Variants in STEEP1 observed in about 807,000 individuals in gnomAD.
STEEP1 encodes the protein STING1 ER exit protein 1, also known as STING ER exit protein.
Under a neutral mutation model 19.2 loss-of-function variants are expected in STEEP1, and 3 were observed. That is an observed-to-expected ratio of 0.16 (90% CI 0.07 to 0.40). The LOEUF is 0.40. Ranked by LOEUF, STEEP1 falls within the 10% of genes least tolerant of loss-of-function variation. STEEP1 has a pLI of 0.99. For missense variants in STEEP1, 54 were observed against 177.1 expected, an observed-to-expected ratio of 0.30 and a Z score of 3.94; for synonymous variants, 46 against 63.7, an observed-to-expected ratio of 0.72 and a Z score of 1.32.
rs1441058021 is a variant in STEEP1 at position 119,542,544 on chromosome X, G to A, written c.474C>T (p.Thr158=). The A allele has an allele frequency of 9.1e-6, 11 of 1,207,448 alleles. No homozygotes were observed. The highest frequency in any genetic ancestry group is 3.0e-5 in the East Asian group (1 of 33,723). ...CTTCCTCTTCATCAATGGTAGACAC[G>A]GTGACAGAACTGAACTTGCCCATGT... ...TKDMGKFSSV[T]VSTIDEEEEE... Residue 158 remains threonine, a synonymous_variant, in exon 5 of 7, where the codon ACC becomes ACT. Coordinates refer to ENST00000644802, the MANE Select transcript of STEEP1 (RefSeq NM_022101.4).
At chrX:119,549,140 T>G (rs1302143830) in intron 2 of STEEP1, among the ~76,000 whole-genome samples, 1 of 111,617 alleles carries the variant, frequency 9.0e-6, no homozygotes, top group African/African-American at 3.3e-5. Context: ...TGAGTAAGTT[T>G]TGGAGATCTA....
At chrX:119,542,667 C>G (rs2053172523) in intron 4 of STEEP1, 73 bp from the exon 5 acceptor site, 1 of 720,762 alleles carries the variant, frequency 1.4e-6, no homozygotes, top group Non-Finnish European at 2.2e-6. Context: ...TGTGTGCGCA[C>G]ACGCCTGTGT....
chrX:119,561,924 T>C (rs1487963353), intron 1 of STEEP1, among the ~76,000 whole-genome samples: 1 of 112,232 alleles, frequency 8.9e-6, no homozygotes, highest in Non-Finnish European at 1.9e-5. Context: ...ATACCATGCA[T>C]CTAATAAGAA....
intron 4 of STEEP1, among the ~76,000 whole-genome samples, chrX:119,543,233 A>G (rs984197050): frequency 9.3e-6 from 1 of 107,954 alleles, no homozygotes; most frequent in African/African-American, 3.4e-5. Flanking sequence ...ATTGTTGCCC[A>G]GCCTGAAGTG....
At position 119,539,609 on chromosome X, in the gene STEEP1, A is replaced by C. The variant is rs2053149320; in HGVS notation, c.*118T>G. 2.0e-6 allele frequency: 1 copy of C among 510,433 alleles called. No homozygotes were observed. The highest frequency in any genetic ancestry group is 3.6e-5 in the Admixed American group (1 of 27,671). 42.1% of individuals were successfully genotyped at this position (510,433 alleles called of 1,213,427 possible). A position where few individuals can be genotyped will look rare whatever the true frequency, so the allele number is the denominator to read the frequency against. ...CACTGAATGTAGGAGAATCAATGGG[A>C]AACAACGTAAAGCCTTCTGCTAGGG... On this transcript the variant is annotated 3_prime_UTR_variant, in exon 7 of 7. Coordinates refer to ENST00000644802, the MANE Select transcript of STEEP1 (RefSeq NM_022101.4).
chrX:119,564,540 T>C (rs1159537535), intron 1 of STEEP1, among the ~76,000 whole-genome samples: 1 of 103,487 alleles, frequency 9.7e-6, no homozygotes, highest in Non-Finnish European at 2.0e-5. Flanking sequence ...GAAAATCAAG[T>C]GAGTATGGAG....
At chrX:119,564,185 A>G (rs917433299) in intron 1 of STEEP1, among the ~76,000 whole-genome samples, 1 of 111,344 alleles carries the variant, frequency 9.0e-6, no homozygotes, top group Non-Finnish European at 1.9e-5. Context: ...CTGAGAGAGA[A>G]AAGGGAGCCA....
intron 2 of STEEP1, among the ~76,000 whole-genome samples, chrX:119,557,263 G>C (rs2053287000): frequency 9.3e-6 from 1 of 107,952 alleles, no homozygotes; most frequent in Non-Finnish European, 1.9e-5. Context: ...AGGATTCTTT[G>C]CTGTTTACTG....
At chrX:119,543,096 A>T (rs1462637749) in intron 4 of STEEP1, among the ~76,000 whole-genome samples, 1 of 109,533 alleles carries the variant, frequency 9.1e-6, no homozygotes, top group Non-Finnish European at 1.9e-5. Flanking sequence ...TCCTGGCCTC[A>T]GGCAATCCTC....
chrX:119,546,781 T>C (rs2053208866), intron 2 of STEEP1, among the ~76,000 whole-genome samples: 1 of 111,428 alleles, frequency 9.0e-6, no homozygotes, highest in African/African-American at 3.3e-5. Flanking sequence ...CTATGGATTT[T>C]TATCTCCAAG....
At chrX:119,564,747 C>A (rs2053345609) in intron 1 of STEEP1, among the ~76,000 whole-genome samples, 1 of 110,932 alleles carries the variant, frequency 9.0e-6, no homozygotes, top group Admixed American at 9.6e-5. Context: ...AGTCAGGATG[C>A]AGAGACAGCC....
chrX:119,561,663 C>T (rs1257094851), intron 1 of STEEP1, among the ~76,000 whole-genome samples: 1 of 106,328 alleles, frequency 9.4e-6, no homozygotes, highest in Non-Finnish European at 1.9e-5. Context: ...AGGAAAACTC[C>T]GTCTCTCAAA....
intron 2 of STEEP1, among the ~76,000 whole-genome samples, chrX:119,550,247 A>G (rs1475305555): frequency 2.7e-5 from 3 of 112,256 alleles, no homozygotes; most frequent in Non-Finnish European, 5.6e-5. Flanking sequence ...GAAATCCAGT[A>G]GAGCCAAAGC....
rs911000514 is a variant in STEEP1, at chrX:119,538,767, T to C, written c.*960A>G. On this transcript the variant is annotated 3_prime_UTR_variant, in exon 7 of 7. Transcript: ENST00000644802. ...GGGTTACTTGAGACCCTACTTTCAT[T>C]TGGATCTGAGCTGTCCTACCCACTC... 3 of 111,355 alleles carry C rather than the reference T, an allele frequency of 2.7e-5. No homozygotes were observed. Among genetic ancestry groups the C allele is most frequent in the Admixed American group, 1.9e-4 (2 of 10,408 alleles). 9.2% of individuals were successfully genotyped at this position (111,355 alleles called of 1,213,427 possible). A position where few individuals can be genotyped will look rare whatever the true frequency, so the allele number is the denominator to read the frequency against.
intron 2 of STEEP1, among the ~76,000 whole-genome samples, chrX:119,554,914 C>T (rs769521776): frequency 2.7e-5 from 3 of 110,279 alleles, no homozygotes; most frequent in Non-Finnish European, 3.8e-5. Flanking sequence ...CAAGAACAGC[C>T]TGGGCAACAT....
intron 1 of STEEP1, among the ~76,000 whole-genome samples, chrX:119,561,941 C>T (rs2053323127): frequency 8.9e-6 from 1 of 112,449 alleles, no homozygotes; most frequent in African/African-American, 3.2e-5. Context: ...AGAAGCAGAA[C>T]AAGAATTCAG....
intron 6 of STEEP1, among the ~76,000 whole-genome samples, chrX:119,541,088 T>C (rs757771929): frequency 1.8e-5 from 2 of 110,964 alleles, no homozygotes; most frequent in East Asian, 5.7e-4. Flanking sequence ...ATACAGAAAA[T>C]AAAATATCAT....
intron 2 of STEEP1, 95 bp from the exon 3 acceptor site, chrX:119,545,599 A>C: frequency 1.6e-6 from 1 of 620,042 alleles, no homozygotes; most frequent in Non-Finnish European, 2.6e-6. Flanking sequence ...GGCCCTTTCA[A>C]AAGTTTTCAT....
intron 1 of STEEP1, among the ~76,000 whole-genome samples, chrX:119,561,675 GAAAA>G (rs1330482541): frequency 1.3e-5 from 1 of 79,915 alleles, no homozygotes; most frequent in Non-Finnish European, 2.6e-5. Flanking sequence ...TCTCTCAAAA[GAAAA>G]AAAAAAGAAA....
Sources: gnomAD v4.1 joint callset for allele counts (sites outside exome capture counted in the v4.1 genomes callset) on GRCh38, gnomAD v4.1.1 for gene constraint, MANE v1.5 for transcripts, NCBI Gene and HGNC (gene_info 2026-07-23, HGNC 2026-07-21) for gene names.